Variants in PGGT1B observed in about 807,000 individuals in gnomAD.
PGGT1B encodes geranylgeranyl transferase type-1 subunit beta.
PGGT1B carries 30 observed loss-of-function variants against 46.1 expected under a neutral mutation model. The observed-to-expected ratio is 0.65, with a 90% CI of 0.49 to 0.88. The LOEUF is 0.88. Ranked by LOEUF, PGGT1B falls within the 40% of genes least tolerant of loss-of-function variation. The pLI is 0.00. For synonymous variants in PGGT1B, 170 were observed against 160.0 expected, an observed-to-expected ratio of 1.06 and a Z score of -0.47; for missense variants, 376 against 455.9, an observed-to-expected ratio of 0.82 and a Z score of 1.60.
At chr5:115,253,516 T>C (rs78324025) in intron 1 of PGGT1B, among the ~76,000 whole-genome samples, 1,728 of 152,030 alleles carry the variant, frequency 0.011, 33 homozygotes, top group African/African-American at 0.04. Flanking sequence ...CAAGACCCAC[T>C]GAAGCCAGAA....
rs1756004681 is a variant in PGGT1B, at chr5:115,204,455, C to G, written c.*7947G>C. ...TTCTGATTTCACTCTCAAAGGCATA[C>G]AGTTGGCATTAATTCATACAGCACA... On this transcript the variant is annotated 3_prime_UTR_variant, in exon 9 of 9. Transcript: ENST00000419445. 1 of 152,160 alleles carries G rather than the reference C, an allele frequency of 6.6e-6. No homozygotes were observed. Among genetic ancestry groups the G allele is most frequent in the Non-Finnish European group, 1.5e-5 (1 of 68,024 alleles). 9.4% of individuals were successfully genotyped at this position (152,160 alleles called of 1,614,324 possible).
intron 6 of PGGT1B, among the ~76,000 whole-genome samples, chr5:115,223,483 G>A (rs265429): frequency 0.012 from 1,900 of 152,222 alleles, 15 homozygotes; most frequent in Middle Eastern, 0.024. Flanking sequence ...TTTGAGTGTT[G>A]TAGCCAATGG....
rs1756213553 is a variant in PGGT1B at position 115,211,271 on chromosome 5, T to C, written c.*1131A>G. On this transcript the variant is annotated 3_prime_UTR_variant, in exon 9 of 9. Coordinates refer to ENST00000419445, the MANE Select transcript of PGGT1B (RefSeq NM_005023.4). ...AGTTTTTATACTACCTCCTTTATAA[T>C]TAGCTAGTTCATAGACTTAAAACAA... The C allele has an allele frequency of 6.6e-6, 1 of 152,032 alleles. No individual in the cohort carries two copies. Among genetic ancestry groups the C allele is most frequent in the South Asian group, 2.1e-4 (1 of 4,828 alleles). 9.4% of individuals were successfully genotyped at this position (152,032 alleles called of 1,614,324 possible).
Position 115,204,657 on chromosome 5 carries a change from G to A in PGGT1B, c.*7745C>T, listed in dbSNP as rs1471406950. 1 of 152,066 alleles carries A rather than the reference G, an allele frequency of 6.6e-6. No individual in the cohort carries two copies. The highest frequency in any genetic ancestry group is 1.9e-4 in the East Asian group (1 of 5,194). 9.4% of individuals were successfully genotyped at this position (152,066 alleles called of 1,614,324 possible). A position where few individuals can be genotyped will look rare whatever the true frequency, so the allele number is the denominator to read the frequency against. ...TACCTTGTTGTTGAGTTTATGAATG[G>A]CTACACTGTTTCTGGATGGCAATTC... On this transcript the variant is annotated 3_prime_UTR_variant, in exon 9 of 9. Transcript: ENST00000419445.
intron 5 of PGGT1B, among the ~76,000 whole-genome samples, chr5:115,232,474 G>A (rs1176257544): frequency 1.3e-5 from 2 of 151,914 alleles, no homozygotes; most frequent in Non-Finnish European, 2.9e-5. Flanking sequence ...ATGAGAAGAA[G>A]GCAATATTCA....
At chr5:115,224,813 G>A (rs1045317080) in intron 6 of PGGT1B, among the ~76,000 whole-genome samples, 7 of 144,236 alleles carry the variant, frequency 4.9e-5, no homozygotes, top group Non-Finnish European at 7.5e-5. Flanking sequence ...CAGCCTGGGC[G>A]ACAGAGAGAG....
chr5:115,256,183 T>G (rs200040790), intron 1 of PGGT1B, among the ~76,000 whole-genome samples: 3 of 151,920 alleles, frequency 2.0e-5, no homozygotes, highest in African/African-American at 4.8e-5. Context: ...GAGGAGGGAG[T>G]TACTGGCATC....
intron 2 of PGGT1B, among the ~76,000 whole-genome samples, chr5:115,251,649 G>A (rs1021399160): frequency 4.6e-5 from 7 of 151,914 alleles, no homozygotes; most frequent in African/African-American, 1.7e-4. Context: ...TTTCTATAAA[G>A]ACAATAGCTA....
intron 5 of PGGT1B, among the ~76,000 whole-genome samples, chr5:115,234,766 C>T (rs555408708): frequency 6.6e-6 from 1 of 151,792 alleles, no homozygotes; most frequent in Non-Finnish European, 1.5e-5. Context: ...AATGAAAGGA[C>T]GAAAGTTAAA....
intron 6 of PGGT1B, among the ~76,000 whole-genome samples, chr5:115,226,360 T>G (rs1756782906): frequency 6.6e-6 from 1 of 151,976 alleles, no homozygotes; most frequent in African/African-American, 2.4e-5. Context: ...CCAAAACACT[T>G]CTGGACCCAA....
intron 6 of PGGT1B, among the ~76,000 whole-genome samples, chr5:115,228,824 A>G (rs1378814850): frequency 6.6e-6 from 1 of 152,182 alleles, no homozygotes; most frequent in Non-Finnish European, 1.5e-5. Flanking sequence ...AAATGCTTCA[A>G]TAAATATAAG....
At position 115,262,754 on chromosome 5, in the gene PGGT1B, A is replaced by C; in HGVS notation, c.98T>G (p.Leu33Arg). 1 of 1,613,342 alleles carries C rather than the reference A, an allele frequency of 6.2e-7. No homozygotes were observed. Among genetic ancestry groups the C allele is most frequent in the African/African-American group, 1.3e-5 (1 of 75,014 alleles). ...AGAATAGCGCTCCGGCAAAACCTGG[A>C]GGCAGCGCTGGAAAAATCGCACGTG... Reference protein sequence around the residue: ...DRHVRFFQRCLQVLPERYSSL... With the variant: ...DRHVRFFQRCRQVLPERYSSL... Residue 33 changes from leucine (L) to arginine (R), a missense_variant, in exon 1 of 9, where the codon CTC becomes CGC. Physicochemically the swap from Leu to Arg is moderately radical, Grantham distance 102. This residue lies in a region of PGGT1B where 154 missense variants were observed against 142.3 expected (regional missense o/e 1.08). Coordinates refer to ENST00000419445, the MANE Select transcript of PGGT1B (RefSeq NM_005023.4).
chr5:115,214,060 T>C (rs1303515535), intron 8 of PGGT1B, among the ~76,000 whole-genome samples: 1 of 152,220 alleles, frequency 6.6e-6, no homozygotes, highest in East Asian at 1.9e-4. Flanking sequence ...TACATCCATA[T>C]AGTTATTCTA....
intron 5 of PGGT1B, among the ~76,000 whole-genome samples, chr5:115,236,043 C>T (rs1156880228): frequency 6.6e-6 from 1 of 152,092 alleles, no homozygotes; most frequent in East Asian, 1.9e-4. Flanking sequence ...CCAAAGATAA[C>T]ATAATCTTCC....
chr5:115,257,527 T>C (rs1453282983), intron 1 of PGGT1B, among the ~76,000 whole-genome samples: 4 of 45,390 alleles, frequency 8.8e-5, no homozygotes, highest in Non-Finnish European at 1.5e-4. Flanking sequence ...CAAAACTCCA[T>C]CTCAAAAAAA....
intron 8 of PGGT1B, among the ~76,000 whole-genome samples, chr5:115,216,032 G>A (rs1300222191): frequency 2.0e-5 from 3 of 152,172 alleles, no homozygotes; most frequent in Non-Finnish European, 4.4e-5. Flanking sequence ...AATTTTGGAA[G>A]GGCCTTGAGT....
At position 115,204,040 on chromosome 5, in the gene PGGT1B, T is replaced by C. The variant is rs1408273058; in HGVS notation, c.*8362A>G. On this transcript the variant is annotated 3_prime_UTR_variant, in exon 9 of 9. Coordinates refer to ENST00000419445, the MANE Select transcript of PGGT1B (RefSeq NM_005023.4). ...TCTTTGCATATCTGAGTATTTATTA[T>C]GTTTTCGATCCAGCTACCACACACT... 2 of 152,194 alleles carry C rather than the reference T, an allele frequency of 1.3e-5. No individual in the cohort carries two copies. Among genetic ancestry groups the C allele is most frequent in the East Asian group, 3.8e-4 (2 of 5,200 alleles). 9.4% of individuals were successfully genotyped at this position (152,194 alleles called of 1,614,324 possible). A position where few individuals can be genotyped will look rare whatever the true frequency, so the allele number is the denominator to read the frequency against.
intron 6 of PGGT1B, among the ~76,000 whole-genome samples, chr5:115,222,387 G>A (rs986754438): frequency 6.6e-6 from 1 of 152,090 alleles, no homozygotes; most frequent in East Asian, 1.9e-4. Flanking sequence ...CTTATGAATT[G>A]AGGCTCCATC....
Position 115,212,374 on chromosome 5 carries a change from T to TA in PGGT1B, c.*27_*28insT. ...ACTTGAGCTACAGTTATGCTACAAA[T>TA]CCCCCCACCCTCCCAATCTAAAATC... On this transcript the variant is annotated 3_prime_UTR_variant, in exon 9 of 9. Transcript: ENST00000419445. The TA allele has an allele frequency of 2.0e-5, 31 of 1,554,698 alleles. No homozygotes were observed. Among genetic ancestry groups the TA allele is most frequent in the Non-Finnish European group, 2.5e-5 (28 of 1,131,874 alleles).
Sources: allele counts gnomAD v4.1 joint callset (sites outside exome capture counted in the v4.1 genomes callset), GRCh38; gene constraint gnomAD v4.1.1; regional missense constraint gnomAD v4.1.1; transcripts MANE v1.5; gene names NCBI Gene and HGNC (gene_info 2026-07-23, HGNC 2026-07-21).